PDIA3: variants seen among roughly 807,000 people sequenced by gnomAD.
PDIA3 encodes protein disulfide-isomerase A3.
PDIA3 carries 16 observed loss-of-function variants against 56.9 expected under a neutral mutation model. The ratio of observed to expected loss-of-function variants is 0.28; its 90% CI spans 0.19 to 0.43. The LOEUF (loss-of-function observed/expected upper bound fraction) is 0.43, where lower values mean the gene tolerates loss of function less well. PDIA3 is among the 20% of genes least tolerant of loss of function. The pLI, the probability that PDIA3 is intolerant of heterozygous loss-of-function variation, is 1.00. For missense variants in PDIA3, 485 were observed against 621.3 expected (o/e 0.78, Z 2.33); for synonymous variants, 192 against 216.5 (o/e 0.89, Z 0.99).
chr15:43,764,797 A>G (rs1434585694), intron 5 of PDIA3, among the ~76,000 whole-genome samples: 2 of 152,044 alleles, frequency 1.3e-5, no homozygotes, highest in South Asian at 2.1e-4. Context: ...TTGAAAATCT[A>G]CTCTAACCCC....
intron 1 of PDIA3, chr15:43,753,093 C>T (rs1405099052): frequency 3.0e-6 from 1 of 338,272 alleles, no homozygotes; most frequent in Non-Finnish European, 5.9e-6. Context: ...CCACCCCCAC[C>T]CCGAGACAGA....
chr15:43,767,178 C>A (rs1012070284), intron 8 of PDIA3, among the ~76,000 whole-genome samples: 37 of 151,882 alleles, frequency 2.4e-4, no homozygotes, highest in African/African-American at 8.4e-4. Flanking sequence ...AGAGAAACCC[C>A]GTCTCTACTA....
At chr15:43,762,100 C>T (rs1231364669) in intron 4 of PDIA3, among the ~76,000 whole-genome samples, 1 of 152,120 alleles carries the variant, frequency 6.6e-6, no homozygotes. Context: ...ACACTTTCTG[C>T]ATCTTAGATG....
At chr15:43,755,862 T>C (rs2141647789) in intron 2 of PDIA3, among the ~76,000 whole-genome samples, 1 of 150,662 alleles carries the variant, frequency 6.6e-6, no homozygotes, top group South Asian at 2.1e-4. Context: ...TGCAGTGAGC[T>C]GAGTTCGTGC....
At chr15:43,761,254 A>C (rs996099162) in intron 3 of PDIA3, among the ~76,000 whole-genome samples, 170 bp from the exon 4 acceptor site, 30 of 152,110 alleles carry the variant, frequency 2.0e-4, no homozygotes, top group Admixed American at 3.9e-4. Flanking sequence ...AAAAAAAAAA[A>C]AAAAAACCTG....
rs879362413 is a variant in PDIA3, at chr15:43,773,157, C to A, written c.*1939C>A. 1 of 1,613,856 alleles carries A rather than the reference C, an allele frequency of 6.2e-7. No individual in the cohort carries two copies. Among genetic ancestry groups the A allele is most frequent in the Non-Finnish European group, 8.5e-7 (1 of 1,179,962 alleles). ...TTTTCCTCAAACTCCAGGATGAGAC[C>A]TTTAATGTGGGACAATTTCTGGTGA... is the stretch of plus-strand genomic sequence containing the variant. On this transcript the variant is annotated 3_prime_UTR_variant, in exon 13 of 13. Transcript: ENST00000300289.
chr15:43,762,904 G>C (rs1249072840), intron 4 of PDIA3, among the ~76,000 whole-genome samples, 173 bp from the exon 5 acceptor site: 1 of 152,206 alleles, frequency 6.6e-6, no homozygotes, highest in Non-Finnish European at 1.5e-5. Flanking sequence ...AAAGGGTAGA[G>C]GGAAAATTCT....
At chr15:43,754,077 C>G (rs1298102771) in intron 2 of PDIA3, among the ~76,000 whole-genome samples, 175 bp downstream of exon 2, 1 of 152,210 alleles carries the variant, frequency 6.6e-6, no homozygotes, top group Non-Finnish European at 1.5e-5. Context: ...TGGGCAAATA[C>G]ACAACTGACT....
intron 3 of PDIA3, among the ~76,000 whole-genome samples, chr15:43,760,482 A>G (rs200533402): frequency 1.3e-5 from 2 of 151,858 alleles, no homozygotes; most frequent in Non-Finnish European, 2.9e-5. Flanking sequence ...TGGCACATTT[A>G]TAGTGAAACA....
chr15:43,757,956 C>T (rs1010829083), intron 3 of PDIA3, among the ~76,000 whole-genome samples: 1 of 149,686 alleles, frequency 6.7e-6, no homozygotes, highest in African/African-American at 2.5e-5. Context: ...AAAAAAACAA[C>T]GAAATAGGCC....
intron 9 of PDIA3, among the ~76,000 whole-genome samples, chr15:43,768,804 A>T (rs1238159227): frequency 6.6e-6 from 1 of 151,838 alleles, no homozygotes; most frequent in Non-Finnish European, 1.5e-5. Context: ...CGGGCACATC[A>T]CAAGGTCAAG....
In PDIA3 at chr15:43,761,419, C is replaced by T. The variant is rs8040336; in HGVS notation, c.365-5C>T. On this transcript the variant is annotated splice_region_variant and splice_polypyrimidine_tract_variant and intron_variant, in intron 3 of 12. Coordinates refer to ENST00000300289, the MANE Select transcript of PDIA3 (RefSeq NM_005313.5). ...GTTGTCATAACTTTTATTTTGACTT[C>T]TAAGATGGAATTGTCAGCCACTTGA... is the stretch of plus-strand genomic sequence containing the variant. 0.51 allele frequency: 771,309 copies of T among 1,502,440 alleles called. 206,733 individuals are homozygous for T. Among genetic ancestry groups the T allele is most frequent in the Admixed American group, 0.55 (29,957 of 54,832 alleles). 93.1% of individuals were successfully genotyped at this position (1,502,440 alleles called of 1,614,324 possible).
Position 43,772,765 on chromosome 15 carries a change from G to A in PDIA3, c.*1547G>A, listed in dbSNP as rs1453372162. 1 of 178,228 alleles carries A rather than the reference G, an allele frequency of 5.6e-6. No individual in the cohort carries two copies. The highest frequency in any genetic ancestry group is 2.4e-5 in the African/African-American group (1 of 42,520). 11.0% of individuals were successfully genotyped at this position (178,228 alleles called of 1,614,324 possible). A position where few individuals can be genotyped will look rare whatever the true frequency, so the allele number is the denominator to read the frequency against. On this transcript the variant is annotated 3_prime_UTR_variant, in exon 13 of 13. Coordinates refer to ENST00000300289, the MANE Select transcript of PDIA3 (RefSeq NM_005313.5). ...TACTGTTTCCTTAGAGAGGCTACCA[G>A]GCTAAAATTCACTTAGTTTGGTTTG...
intron 7 of PDIA3, 84 bp from the exon 8 acceptor site, chr15:43,766,644 G>A (rs938411883): frequency 1.9e-6 from 2 of 1,066,896 alleles, no homozygotes; most frequent in African/African-American, 1.6e-5. Context: ...CTTAGTCTTT[G>A]CTTTCCAATC....
intron 1 of PDIA3, among the ~76,000 whole-genome samples, chr15:43,749,237 G>A (rs2086728152): frequency 6.6e-6 from 1 of 151,856 alleles, no homozygotes; most frequent in Admixed American, 6.6e-5. Flanking sequence ...GGGATTACAG[G>A]CACGCACCAC....
rs534766001 is a variant in PDIA3 at position 43,746,889 on chromosome 15, G to C, written c.167+183G>C. The stretch of plus-strand genomic sequence containing the variant: ...CGCCGAGAGCGGGGGAGTCGGTGCT[G>C]ATCGGCCCAAGGAAAACCCGAAGGC... On this transcript the variant is annotated intron_variant, in intron 1 of 12. Coordinates refer to ENST00000300289, the MANE Select transcript of PDIA3 (RefSeq NM_005313.5). 2.4e-5 allele frequency: 16 copies of C among 666,980 alleles called. No individual in the cohort carries two copies. The South Asian group carries it at 2.6e-4, about 11-fold the overall frequency. 41.3% of individuals were successfully genotyped at this position (666,980 alleles called of 1,614,324 possible).
At chr15:43,761,696 AC>A (rs1214370756) in intron 4 of PDIA3, among the ~76,000 whole-genome samples, 165 bp downstream of exon 4, 4 of 152,106 alleles carry the variant, frequency 2.6e-5, no homozygotes, top group African/African-American at 9.7e-5. Flanking sequence ...ACTATATAGT[AC>A]ATTATATAAT....
At chr15:43,751,827 C>A in intron 1 of PDIA3, 1 of 1,119,386 alleles carries the variant, frequency 8.9e-7, no homozygotes. Flanking sequence ...AGAGTTGACA[C>A]CTACTGGCTT....
intron 2 of PDIA3, among the ~76,000 whole-genome samples, chr15:43,754,718 A>C (rs969968360): frequency 6.6e-6 from 1 of 151,914 alleles, no homozygotes; most frequent in Non-Finnish European, 1.5e-5. Context: ...CTCTTAAAAA[A>C]AAAAAAAAAA....
Sources: gnomAD v4.1 joint callset for allele counts (sites outside exome capture counted in the v4.1 genomes callset) on GRCh38, gnomAD v4.1.1 for gene constraint, MANE v1.5 for transcripts, NCBI Gene and HGNC (gene_info 2026-07-23, HGNC 2026-07-21) for gene names.